DLG5: variants seen among roughly 807,000 people sequenced by gnomAD.
The protein encoded by DLG5 is discs large MAGUK scaffold protein 5.
Under a neutral mutation model 189.8 loss-of-function variants are expected in DLG5, and 48 were observed. The ratio of observed to expected loss-of-function variants is 0.25; its 90% CI spans 0.20 to 0.32. The LOEUF (loss-of-function observed/expected upper bound fraction) is 0.32, where lower values mean the gene tolerates loss of function less well. DLG5 is among the 10% of genes least tolerant of loss of function. The pLI is 1.00. For synonymous variants in DLG5, 1,016 were observed against 1,054.1 expected, an observed-to-expected ratio of 0.96 and a Z score of 0.70; for missense variants, 2,160 against 2,544.7, an observed-to-expected ratio of 0.85 and a Z score of 3.25.
Position 77,806,921 on chromosome 10 carries a change from A to T in DLG5, c.4804T>A (p.Tyr1602Asn), listed in dbSNP as rs762973772. The T allele has an allele frequency of 1.2e-6, 2 of 1,613,360 alleles. No homozygotes were observed. Among genetic ancestry groups the T allele is most frequent in the Non-Finnish European group, 1.7e-6 (2 of 1,179,326 alleles). Reference protein sequence around the residue: ...PGDSFYIRALYDRLADVEQEL... With the variant: ...PGDSFYIRALNDRLADVEQEL... ...TGCTCCACATCTGCCAGCCGGTCGTACAGGGCCCTGGACCACAGCACAGAA... is the reference window on the plus strand; with the variant it reads ...TGCTCCACATCTGCCAGCCGGTCGTTCAGGGCCCTGGACCACAGCACAGAA... The change falls in exon 26 of 32, where the codon TAC becomes AAC. Residue 1602 changes from tyrosine (Y) to asparagine (N), a missense_variant. Coordinates refer to ENST00000372391, the MANE Select transcript of DLG5 (RefSeq NM_004747.4).
chr10:77,918,177 A>G (rs931662319), intron 1 of DLG5, among the ~76,000 whole-genome samples: 16 of 151,696 alleles, frequency 1.1e-4, no homozygotes, highest in African/African-American at 3.1e-4. Flanking sequence ...TTGAGAGGCC[A>G]AGGTGGGCGG....
chr10:77,833,438 A>T (rs1390619080), intron 9 of DLG5, among the ~76,000 whole-genome samples: 1 of 152,184 alleles, frequency 6.6e-6, no homozygotes, highest in Non-Finnish European at 1.5e-5. Context: ...CTTCCTGCGC[A>T]CTGTGAGCCC....
At chr10:77,806,737 C>CCCCCCCCCCCCCACA in intron 26 of DLG5, 21 bp downstream of exon 26, 1 of 1,592,026 alleles carries the variant, frequency 6.3e-7, no homozygotes, top group Non-Finnish European at 8.6e-7. Context: ...CCACCCCACC[C>CCCCCCCCCCCCCACA]CAGGCCCGGA....
chr10:77,806,195 A>G, intron 26 of DLG5: 1 of 326,332 alleles, frequency 3.1e-6, no homozygotes, highest in Non-Finnish European at 5.6e-6. Context: ...GAAATGATGC[A>G]GGGATGCAGG....
intron 5 of DLG5, chr10:77,846,804 G>A (rs1416915661): frequency 2.2e-6 from 1 of 444,858 alleles, no homozygotes; most frequent in African/African-American, 2.0e-5. Context: ...AAAGGAGGCT[G>A]TCATTGCCTG....
intron 29 of DLG5, among the ~76,000 whole-genome samples, chr10:77,795,757 G>A (rs538459747): frequency 3.9e-5 from 6 of 152,110 alleles, no homozygotes; most frequent in East Asian, 1.9e-4. Flanking sequence ...AATGCCCTGC[G>A]AGAGGCCTTT....
chr10:77,828,734 T>C (rs1842761626), intron 13 of DLG5, 148 bp downstream of exon 13: 1 of 715,218 alleles, frequency 1.4e-6, no homozygotes, highest in Admixed American at 3.0e-5. Context: ...AAACATACCA[T>C]CAAGAAACCT....
chr10:77,888,596 T>C (rs192229950), intron 1 of DLG5, among the ~76,000 whole-genome samples: 1 of 152,324 alleles, frequency 6.6e-6, no homozygotes, highest in East Asian at 1.9e-4. Context: ...ACTCGCTTTT[T>C]CATTATAAGT....
intron 13 of DLG5, among the ~76,000 whole-genome samples, chr10:77,826,368 C>CCTGTA (rs1413965716): frequency 6.6e-6 from 1 of 151,978 alleles, no homozygotes; most frequent in Non-Finnish European, 1.5e-5. Context: ...GTGGCTCACA[C>CCTGTA]CTGTAATCCT....
chr10:77,797,812 G>A (rs769704060), intron 27 of DLG5, among the ~76,000 whole-genome samples: 7 of 152,196 alleles, frequency 4.6e-5, no homozygotes, highest in Non-Finnish European at 1.0e-4. Flanking sequence ...CAGGCTCCAT[G>A]AAGAGCAACC....
At chr10:77,808,684 C>T (rs1254388852) in intron 24 of DLG5, among the ~76,000 whole-genome samples, 1 of 152,172 alleles carries the variant, frequency 6.6e-6, no homozygotes, top group Non-Finnish European at 1.5e-5. Context: ...GGGCGAGCAC[C>T]CCCTGATGCC....
Position 77,856,750 on chromosome 10 carries a change from A to G in DLG5, c.516T>C (p.His172=), listed in dbSNP as rs947666333. The part of the protein sequence containing the change: ...ELRKRLAFAT[H]GTAFDKRPYH... ...ACTACCTCTTGTCAAAGGCCGTGCCATGCGTAGCAAAGGCCAGGCGCTTGC... is the reference window on the plus strand; with the variant it reads ...ACTACCTCTTGTCAAAGGCCGTGCCGTGCGTAGCAAAGGCCAGGCGCTTGC... The change falls in exon 3 of 32, where the codon CAT becomes CAC. Residue 172 remains histidine (H), a synonymous_variant. Coordinates refer to ENST00000372391, the MANE Select transcript of DLG5 (RefSeq NM_004747.4). The G allele has an allele frequency of 2.5e-6, 4 of 1,613,502 alleles. No homozygotes were observed. Among genetic ancestry groups the G allele is most frequent in the Non-Finnish European group, 3.4e-6 (4 of 1,179,948 alleles).
rs1458617174 is a variant in DLG5 at position 77,821,526 on chromosome 10, G to T, written c.2958C>A (p.Pro986=). The part of the protein sequence containing the change: ...PNTFKRPQTP[P]KIDYLLPGPG... ...GACCTGGAAGCAGGTAGTCTATTTT[G>T]GGGGGTGTCTGGGGGCGTTTGAAAG... Residue 986 remains proline, a synonymous_variant, in exon 15 of 32, where the codon CCC becomes CCA. Coordinates refer to ENST00000372391, the MANE Select transcript of DLG5 (RefSeq NM_004747.4). The T allele has an allele frequency of 6.2e-7, 1 of 1,612,814 alleles. No individual in the cohort carries two copies. Among genetic ancestry groups the T allele is most frequent in the South Asian group, 1.1e-5 (1 of 91,086 alleles).
chr10:77,793,960 C>T, intron 31 of DLG5, 48 bp downstream of exon 31: 1 of 1,556,340 alleles, frequency 6.4e-7, no homozygotes, highest in Non-Finnish European at 8.9e-7. Flanking sequence ...GAAGCCTCTG[C>T]TTCCTTCCCT....
chr10:77,806,694 C>G, intron 26 of DLG5, 64 bp downstream of exon 26: 2 of 1,498,184 alleles, frequency 1.3e-6, no homozygotes, highest in Non-Finnish European at 9.2e-7. Flanking sequence ...CATGGGACAG[C>G]TCCATGGCTG....
the DLG5 span, among the ~76,000 whole-genome samples, chr10:77,935,263 C>T: frequency 3.9e-5 from 6 of 152,010 alleles, no homozygotes; most frequent in African/African-American, 1.5e-4. Flanking sequence ...GAAGAGACAT[C>T]GACTTGTTCA....
At chr10:77,879,039 G>C (rs751704263) in intron 1 of DLG5, among the ~76,000 whole-genome samples, 2 of 152,232 alleles carry the variant, frequency 1.3e-5, no homozygotes, top group Non-Finnish European at 2.9e-5. Context: ...GAGCTCACAT[G>C]AACAGGGTGA....
At chr10:77,937,626 C>A in the DLG5 span, among the ~76,000 whole-genome samples, 1 of 152,000 alleles carries the variant, frequency 6.6e-6, no homozygotes, top group South Asian at 2.1e-4. Flanking sequence ...TTTTGCATAT[C>A]CCCACCTTGT....
At position 77,809,723 on chromosome 10, in the gene DLG5, C is replaced by T; in HGVS notation, c.4471G>A (p.Gly1491Arg). The T allele has an allele frequency of 6.2e-7, 1 of 1,611,096 alleles. No homozygotes were observed. The highest frequency in any genetic ancestry group is 2.2e-5 in the East Asian group (1 of 44,818). ...PAKQSSSRIAGDANKKTLEPR... is the reference protein window; with the variant it reads ...PAKQSSSRIARDANKKTLEPR... ...TCCAGGGTCTTCTTGTTGGCATCTC[C>T]CGCAATCCTTTCAGGAAAAAAACAA... The change falls in exon 24 of 32, where the codon GGA (glycine) becomes AGA (arginine). Residue 1491 changes from glycine to arginine, a missense_variant. This residue lies in a region of DLG5 where 574 missense variants were observed against 644.2 expected (regional missense o/e 0.89). Coordinates refer to ENST00000372391, the MANE Select transcript of DLG5 (RefSeq NM_004747.4).
Sources: gnomAD v4.1 joint callset for allele counts (sites outside exome capture counted in the v4.1 genomes callset) on GRCh38, gnomAD v4.1.1 for gene constraint, gnomAD v4.1.1 regional missense constraint, MANE v1.5 for transcripts, NCBI Gene and HGNC (gene_info 2026-07-23, HGNC 2026-07-21) for gene names.